The following TNKS variants were observed in gnomAD, a reference collection of about 807,000 sequenced individuals.
TNKS encodes the protein poly [ADP-ribose] polymerase tankyrase-1.
Under a neutral mutation model 135.8 loss-of-function variants are expected in TNKS, and 72 were observed. That is an observed-to-expected ratio of 0.53 (90% CI 0.44 to 0.64). The LOEUF is 0.64. TNKS is among the 30% of genes least tolerant of loss of function. The pLI, the probability that TNKS is intolerant of heterozygous loss-of-function variation, is 0.00. For missense variants in TNKS, 1,769 were observed against 1,674.0 expected, an observed-to-expected ratio of 1.06 and a Z score of -0.99; for synonymous variants, 849 against 649.3, an observed-to-expected ratio of 1.31 and a Z score of -4.68.
At chr8:9,607,875 T>G (rs1206010128) in intron 2 of TNKS, among the ~76,000 whole-genome samples, 3 of 152,176 alleles carry the variant, frequency 2.0e-5, no homozygotes, top group Non-Finnish European at 4.4e-5. Context: ...TTTTTTTGAC[T>G]GCATATATGT....
At chr8:9,688,227 C>T (rs549137500) in intron 5 of TNKS, among the ~76,000 whole-genome samples, 2 of 152,264 alleles carry the variant, frequency 1.3e-5, no homozygotes, top group South Asian at 2.1e-4. Flanking sequence ...TATCATTTGA[C>T]AGTAGAGTAT....
At chr8:9,666,466 T>TC (rs34408097) in intron 3 of TNKS, among the ~76,000 whole-genome samples, 10 of 152,182 alleles carry the variant, frequency 6.6e-5, no homozygotes, top group African/African-American at 2.4e-4. Context: ...ACGCCTGTAA[T>TC]CCCCGCACTT....
chr8:9,671,972 C>A (rs1802288313), intron 3 of TNKS, among the ~76,000 whole-genome samples: 1 of 152,178 alleles, frequency 6.6e-6, no homozygotes, highest in African/African-American at 2.4e-5. Context: ...AGGGCGTGAA[C>A]CTTCCCTTTG....
chr8:9,586,625 C>G lies in TNKS; in HGVS notation c.898+6242C>G, dbSNP rs140260141. Among the ~76,000 whole-genome samples, 565 of 151,888 alleles carry G rather than the reference C, an allele frequency of 3.7e-3. 3 individuals carry two copies. Among genetic ancestry groups the G allele is most frequent in the African/African-American group, 0.013 (526 of 41,422 alleles). ...TTCAGTCAAATGTAATATATCAACC[C>G]AGATAAGATCTTGGTTCAGAAAAAA... is the stretch of plus-strand genomic sequence containing the variant. On this transcript the variant is annotated intron_variant, in intron 2 of 26. Transcript: ENST00000310430.
At chr8:9,773,103 A>C (rs1006446436) in intron 26 of TNKS, among the ~76,000 whole-genome samples, 2 of 151,876 alleles carry the variant, frequency 1.3e-5, no homozygotes, top group African/African-American at 4.8e-5. Context: ...TAAACCTTTA[A>C]CTTCTAGAAA....
At chr8:9,649,570 T>G (rs1163649772) in intron 3 of TNKS, among the ~76,000 whole-genome samples, 1 of 152,186 alleles carries the variant, frequency 6.6e-6, no homozygotes, top group Non-Finnish European at 1.5e-5. Flanking sequence ...CGTGCACCTG[T>G]TACCCGAGCA....
chr8:9,615,624 A>G lies in TNKS; in HGVS notation c.941A>G (p.Asp314Gly). 6.2e-7 allele frequency: 1 copy of G among 1,613,748 alleles called. No homozygotes were observed. Among genetic ancestry groups the G allele is most frequent in the Non-Finnish European group, 8.5e-7 (1 of 1,179,866 alleles). Reference sequence around the variant, plus strand: ...GCTGACCCAAACATTCGGAACACTGATGGGAAATCAGCCCTGGACCTGGCA... The same window carrying G: ...GCTGACCCAAACATTCGGAACACTGGTGGGAAATCAGCCCTGGACCTGGCA... Reference protein sequence around the residue: ...HGADPNIRNTDGKSALDLADP... With the variant: ...HGADPNIRNTGGKSALDLADP... The change falls in exon 3 of 27, where the codon GAT becomes GGT. Residue 314 changes from aspartate (D) to glycine (G), a missense_variant. Asp to Gly is a moderately conservative substitution (Grantham distance 94, BLOSUM62 -1). Transcript: ENST00000310430.
intron 26 of TNKS, 23 bp from the exon 27 acceptor site, chr8:9,776,627 G>C (rs1488078682): frequency 6.2e-7 from 1 of 1,610,084 alleles, no homozygotes. Context: ...AGGGTGATTT[G>C]TTTTTCTTCT....
intron 12 of TNKS, among the ~76,000 whole-genome samples, chr8:9,726,186 T>G (rs1805151319): frequency 2.6e-5 from 4 of 151,830 alleles, no homozygotes. Flanking sequence ...AGCCCAGGAG[T>G]TTGTGACCAG....
intron 5 of TNKS, among the ~76,000 whole-genome samples, chr8:9,689,653 C>T (rs1402807984): frequency 6.6e-6 from 1 of 152,192 alleles, no homozygotes; most frequent in Non-Finnish European, 1.5e-5. Flanking sequence ...CGTCTCTGCT[C>T]CTGGCTGTTT....
intron 5 of TNKS, 64 bp from the exon 6 acceptor site, chr8:9,704,599 G>A: frequency 1.5e-6 from 2 of 1,348,938 alleles, no homozygotes; most frequent in Non-Finnish European, 2.1e-6. Context: ...ATCTGAAATG[G>A]CAAAGCAAGG....
At chr8:9,672,186 C>G (rs559967280) in intron 3 of TNKS, among the ~76,000 whole-genome samples, 31 of 152,250 alleles carry the variant, frequency 2.0e-4, no homozygotes, top group African/African-American at 7.0e-4. Flanking sequence ...TAATCTCTTA[C>G]TATGCCTAGT....
At chr8:9,751,972 C>A (rs1806568041) in intron 19 of TNKS, 126 bp downstream of exon 19, 1 of 782,078 alleles carries the variant, frequency 1.3e-6, no homozygotes, top group Non-Finnish European at 2.1e-6. Flanking sequence ...TTCATACACA[C>A]AACATCTTAC....
Position 9,772,850 on chromosome 8 carries a change from T to G in TNKS, c.3897+2588T>G, listed in dbSNP as rs796552750. The stretch of plus-strand genomic sequence containing the variant: ...GTGTGTCTGTGTGTGTGTGTGTGTG[T>G]GTGTGTGTGTAGTGCGTATGTGTGG... On this transcript the variant is annotated intron_variant, in intron 26 of 26. Transcript: ENST00000310430. 2.8e-4 allele frequency among the ~76,000 whole-genome samples: 39 copies of G among 137,982 alleles called. 1 individual carries two copies. The South Asian group carries it at 8.9e-3, about 32-fold the overall frequency. 90.5% of individuals were successfully genotyped at this position (137,982 alleles called of 152,430 possible). A position where few individuals can be genotyped will look rare whatever the true frequency, so the allele number is the denominator to read the frequency against.
chr8:9,671,961 C>T (rs1304837096), intron 3 of TNKS, among the ~76,000 whole-genome samples: 1 of 152,176 alleles, frequency 6.6e-6, no homozygotes, highest in Non-Finnish European at 1.5e-5. Context: ...GTATTCTGCC[C>T]AGGGCGTGAA....
chr8:9,564,392 G>T (rs1797447994), intron 1 of TNKS, among the ~76,000 whole-genome samples: 1 of 152,050 alleles, frequency 6.6e-6, no homozygotes, highest in South Asian at 2.1e-4. Context: ...AAAATCTCAA[G>T]CTTAGAATCC....
chr8:9,669,274 C>T (rs912885580), intron 3 of TNKS, among the ~76,000 whole-genome samples: 4 of 151,176 alleles, frequency 2.6e-5, no homozygotes, highest in South Asian at 2.1e-4. Context: ...AAAAATTAGC[C>T]GGGCGCGGTG....
chr8:9,767,446 T>A (rs1181381011), intron 25 of TNKS, among the ~76,000 whole-genome samples: 1 of 152,252 alleles, frequency 6.6e-6, no homozygotes, highest in Non-Finnish European at 1.5e-5. Flanking sequence ...AATAAGATAC[T>A]TTGTAATTTG....
At chr8:9,622,523 C>T (rs1267667808) in intron 3 of TNKS, among the ~76,000 whole-genome samples, 1 of 152,120 alleles carries the variant, frequency 6.6e-6, no homozygotes, top group African/African-American at 2.4e-5. Flanking sequence ...AGGGAAATTA[C>T]AGGAATTTGA....
Sources: gnomAD v4.1 joint callset for allele counts (sites outside exome capture counted in the v4.1 genomes callset) on GRCh38, gnomAD v4.1.1 for gene constraint, MANE v1.5 for transcripts, NCBI Gene and HGNC (gene_info 2026-07-23, HGNC 2026-07-21) for gene names.